INPP4B: variants seen among roughly 807,000 people sequenced by gnomAD.
INPP4B encodes the protein inositol polyphosphate-4-phosphatase type II B.
INPP4B carries 55 observed loss-of-function variants against 122.5 expected under a neutral mutation model. The observed-to-expected ratio is 0.45, with a 90% CI of 0.36 to 0.56. The LOEUF (loss-of-function observed/expected upper bound fraction) is 0.56. Ranked by LOEUF, INPP4B falls within the 20% of genes least tolerant of loss-of-function variation. The pLI, the probability that INPP4B is intolerant of heterozygous loss-of-function variation, is 0.00. For missense variants in INPP4B, 1,000 were observed against 1,097.7 expected (o/e 0.91, Z 1.26); for synonymous variants, 403 against 388.7 (o/e 1.04, Z -0.43).
intron 25 of INPP4B, among the ~76,000 whole-genome samples, chr4:142,076,132 A>G (rs969846346): frequency 6.6e-6 from 1 of 152,050 alleles, no homozygotes; most frequent in African/African-American, 2.4e-5. Context: ...TGGAAAACAA[A>G]CACTATCAAC....
intron 2 of INPP4B, among the ~76,000 whole-genome samples, chr4:142,628,973 A>G (rs1342391555): frequency 6.6e-6 from 1 of 152,042 alleles, no homozygotes; most frequent in Non-Finnish European, 1.5e-5. Flanking sequence ...CCTCTCTCAC[A>G]TTTTATTTAT....
At chr4:142,721,775 C>T (rs1295960295) in intron 2 of INPP4B, among the ~76,000 whole-genome samples, 3 of 152,130 alleles carry the variant, frequency 2.0e-5, no homozygotes, top group Non-Finnish European at 2.9e-5. Flanking sequence ...GAGCCGAGAT[C>T]GCGCCACTGC....
chr4:142,593,009 C>T lies in INPP4B; in HGVS notation c.-190-130283G>A, dbSNP rs140448982. Among the ~76,000 whole-genome samples, 391 of 151,336 alleles carry T rather than the reference C, an allele frequency of 2.6e-3. 3 individuals are homozygous for T. Among genetic ancestry groups the T allele is most frequent in the African/African-American group, 2.2e-3 (92 of 41,198 alleles). ...CTCTCAGCTACTCAGGAGGCTGAGACGGGAGGATCACTTGAGCTAGGGAGT... is the reference window on the plus strand; with the variant it reads ...CTCTCAGCTACTCAGGAGGCTGAGATGGGAGGATCACTTGAGCTAGGGAGT... On this transcript the variant is annotated intron_variant, in intron 2 of 25. Transcript: ENST00000262992.
chr4:142,060,843 G>A (rs1040099941), intron 25 of INPP4B, among the ~76,000 whole-genome samples: 3 of 152,104 alleles, frequency 2.0e-5, no homozygotes, highest in East Asian at 1.9e-4. Flanking sequence ...CAACTGGAAG[G>A]AAAAAGGGAA....
intron 25 of INPP4B, among the ~76,000 whole-genome samples, chr4:142,046,096 A>G (rs777120418): frequency 6.6e-6 from 1 of 151,972 alleles, no homozygotes; most frequent in African/African-American, 2.4e-5. Context: ...CCAATATTCT[A>G]CAAAACAAAC....
At chr4:142,702,378 CT>C (rs1414416475) in intron 2 of INPP4B, among the ~76,000 whole-genome samples, 4 of 152,060 alleles carry the variant, frequency 2.6e-5, no homozygotes, top group Non-Finnish European at 5.9e-5. Flanking sequence ...AGCCTAATTA[CT>C]TATTGCAAAA....
chr4:142,759,829 A>AT (rs1771055392), intron 1 of INPP4B, among the ~76,000 whole-genome samples: 1 of 145,742 alleles, frequency 6.9e-6, no homozygotes, highest in Admixed American at 6.8e-5. Context: ...TTTTTCTAAA[A>AT]AAAAAAAAAA....
chr4:142,513,960 T>A (rs1486509419), intron 2 of INPP4B, among the ~76,000 whole-genome samples: 2 of 152,090 alleles, frequency 1.3e-5, no homozygotes. Context: ...GTGATTCCTG[T>A]TTTGGAGAAA....
intron 7 of INPP4B, among the ~76,000 whole-genome samples, chr4:142,369,931 CA>C (rs11422223): frequency 0.023 from 2,185 of 94,528 alleles, 43 homozygotes; most frequent in African/African-American, 0.082. Context: ...GACTCCATCT[CA>C]AAAAAAAAAA....
intron 2 of INPP4B, among the ~76,000 whole-genome samples, chr4:142,573,582 G>C (rs1399006128): frequency 6.6e-6 from 1 of 152,068 alleles, no homozygotes; most frequent in Admixed American, 6.6e-5. Flanking sequence ...AAGAGTATCT[G>C]TCAGCTTCCC....
chr4:142,557,959 C>G (rs1461163058), intron 2 of INPP4B, among the ~76,000 whole-genome samples: 4 of 152,190 alleles, frequency 2.6e-5, no homozygotes, highest in African/African-American at 7.2e-5. Context: ...CAAAGTCAAT[C>G]CTGTTTCTAA....
Position 142,171,620 on chromosome 4 carries a change from A to G in INPP4B, c.1359+2012T>C, listed in dbSNP as rs921331804. 2.0e-5 allele frequency among the ~76,000 whole-genome samples: 3 copies of G among 152,034 alleles called. No individual in the cohort carries two copies. In the East Asian group the frequency reaches 5.8e-4, roughly 29 times the overall value. On this transcript the variant is annotated intron_variant, in intron 16 of 25. Transcript: ENST00000262992. The stretch of plus-strand genomic sequence containing the variant: ...TAACAGTGCTCATAGACTATACAAA[A>G]CTGTTAACTTAGATAATTCTTTGAA...
intron 2 of INPP4B, among the ~76,000 whole-genome samples, chr4:142,667,495 C>T (rs1167970678): frequency 1.3e-5 from 2 of 152,138 alleles, no homozygotes; most frequent in Non-Finnish European, 2.9e-5. Context: ...GTTATGGAGT[C>T]AAACTACTGA....
chr4:142,130,645 C>T (rs1394406627), intron 18 of INPP4B, among the ~76,000 whole-genome samples: 1 of 152,212 alleles, frequency 6.6e-6, no homozygotes, highest in Admixed American at 6.5e-5. Context: ...TATCTCAGGG[C>T]AGCCTCAAAG....
At chr4:142,132,017 C>T (rs1213952490) in intron 18 of INPP4B, among the ~76,000 whole-genome samples, 3 of 151,806 alleles carry the variant, frequency 2.0e-5, no homozygotes, top group African/African-American at 7.3e-5. Context: ...CTATCATCTC[C>T]CTTTTCCTCT....
At chr4:142,807,966 T>G (rs1306575921) in intron 1 of INPP4B, among the ~76,000 whole-genome samples, 1 of 152,220 alleles carries the variant, frequency 6.6e-6, no homozygotes, top group Non-Finnish European at 1.5e-5. Flanking sequence ...GGTGGTGTTT[T>G]GATTTTCCAA....
intron 17 of INPP4B, among the ~76,000 whole-genome samples, chr4:142,151,806 A>T (rs1314257368): frequency 6.6e-6 from 1 of 152,206 alleles, no homozygotes; most frequent in Non-Finnish European, 1.5e-5. Flanking sequence ...GTCTTCTTGC[A>T]GTCTTAGAAA....
At chr4:142,307,648 T>C (rs1263276517) in intron 8 of INPP4B, among the ~76,000 whole-genome samples, 1 of 152,232 alleles carries the variant, frequency 6.6e-6, no homozygotes, top group Non-Finnish European at 1.5e-5. Context: ...GCAGATCGTA[T>C]ACTGCTGTAG....
chr4:142,589,058 T>C (rs899381692), intron 2 of INPP4B, among the ~76,000 whole-genome samples: 2 of 151,916 alleles, frequency 1.3e-5, no homozygotes, highest in Non-Finnish European at 1.5e-5. Flanking sequence ...ATATAGCCAG[T>C]TGATTTTTTT....
Sources: gnomAD v4.1 joint callset for allele counts (sites outside exome capture counted in the v4.1 genomes callset) on GRCh38, gnomAD v4.1.1 for gene constraint, MANE v1.5 for transcripts, NCBI Gene and HGNC (gene_info 2026-07-23, HGNC 2026-07-21) for gene names.